Variants in PXDNL observed in about 807,000 individuals in gnomAD.
The protein encoded by PXDNL is probable oxidoreductase PXDNL.
In PXDNL, 145 loss-of-function variants were observed where a neutral mutation model predicts 150.8. That is an observed-to-expected ratio of 0.96 (90% CI 0.84 to 1.10). PXDNL has a LOEUF of 1.10. PXDNL is among the 50% of genes least tolerant of loss of function. The pLI, the probability that PXDNL is intolerant of heterozygous loss-of-function variation, is 0.00. For synonymous variants in PXDNL, 757 were observed against 725.7 expected, an observed-to-expected ratio of 1.04 and a Z score of -0.69; for missense variants, 2,087 against 1,873.9, an observed-to-expected ratio of 1.11 and a Z score of -2.10.
intron 1 of PXDNL, among the ~76,000 whole-genome samples, chr8:51,718,961 C>T (rs1470039560): frequency 1.3e-5 from 2 of 151,682 alleles, no homozygotes; most frequent in Non-Finnish European, 3.0e-5. Context: ...CAGCCCCCAC[C>T]CGGCCAGCCA....
intron 14 of PXDNL, 59 bp from the exon 15 acceptor site, chr8:51,413,317 A>G (rs1808705875): frequency 3.0e-6 from 3 of 995,458 alleles, no homozygotes; most frequent in East Asian, 2.4e-5. Flanking sequence ...TAGGCATGAT[A>G]TTATATGAAT....
chr8:51,799,216 A>G lies in PXDNL; in HGVS notation c.164+9965T>C, dbSNP rs150823764. ...ATCACATGGACACAAGGAGGAGAAA[A>G]ACACACACAGGAGCCTGTGGGGGCA... On this transcript the variant is annotated intron_variant, in intron 1 of 22. Coordinates refer to ENST00000356297, the MANE Select transcript of PXDNL (RefSeq NM_144651.5). Among the ~76,000 whole-genome samples, 4 of 152,224 alleles carry G rather than the reference A, an allele frequency of 2.6e-5. No homozygotes were observed. In the East Asian group the frequency reaches 7.8e-4, roughly 30 times the overall value.
At chr8:51,356,061 G>T (rs1488835543) in intron 19 of PXDNL, among the ~76,000 whole-genome samples, 1 of 152,188 alleles carries the variant, frequency 6.6e-6, no homozygotes, top group Non-Finnish European at 1.5e-5. Flanking sequence ...TCTATCCCTA[G>T]GTCTGCTAAT....
intron 1 of PXDNL, among the ~76,000 whole-genome samples, chr8:51,786,349 C>T (rs906706671): frequency 5.3e-5 from 8 of 152,162 alleles, no homozygotes; most frequent in Non-Finnish European, 7.4e-5. Flanking sequence ...GCTGGGACTA[C>T]AGGCGCCCGC....
intron 5 of PXDNL, among the ~76,000 whole-genome samples, chr8:51,486,769 TATATATATATATATATATATATATA>T (rs1408600319): frequency 9.5e-3 from 79 of 8,340 alleles, no homozygotes; most frequent in African/African-American, 0.017. Context: ...TATATATATA[TATATATATATATATATATATATATA>T]TTTTTTTTTT....
At position 51,728,752 on chromosome 8, in the gene PXDNL, A is replaced by T. The variant is rs551952507; in HGVS notation, c.165-73992T>A. On this transcript the variant is annotated intron_variant, in intron 1 of 22. Transcript: ENST00000356297. ...TAAAGTTTATAATGAAAAACTTTAT[A>T]GTAGGCTTAGTTTAATTATTATTGA... is the stretch of plus-strand genomic sequence containing the variant. 1.2e-4 allele frequency among the ~76,000 whole-genome samples: 19 copies of T among 152,344 alleles called. No homozygotes were observed. In the East Asian group the frequency reaches 3.7e-3, roughly 29 times the overall value.
intron 3 of PXDNL, among the ~76,000 whole-genome samples, chr8:51,557,202 T>C (rs568176512): frequency 2.6e-5 from 4 of 152,282 alleles, no homozygotes; most frequent in Non-Finnish European, 5.9e-5. Flanking sequence ...TAACAACTTC[T>C]CTAAGAAAAA....
At chr8:51,637,791 A>C (rs1430072577) in intron 2 of PXDNL, among the ~76,000 whole-genome samples, 1 of 152,256 alleles carries the variant, frequency 6.6e-6, no homozygotes, top group Non-Finnish European at 1.5e-5. Context: ...GATATTATCC[A>C]GGAGAACTTC....
intron 8 of PXDNL, among the ~76,000 whole-genome samples, chr8:51,458,889 GA>G (rs2130007701): frequency 6.6e-6 from 1 of 152,296 alleles, no homozygotes; most frequent in East Asian, 1.9e-4. Context: ...GTGAAGGCAG[GA>G]AAGATGAAGA....
intron 1 of PXDNL, among the ~76,000 whole-genome samples, chr8:51,706,192 T>C (rs1308741690): frequency 6.6e-6 from 1 of 152,108 alleles, no homozygotes; most frequent in East Asian, 1.9e-4. Flanking sequence ...GTGTCTGTAA[T>C]CCCAGTTACT....
intron 21 of PXDNL, among the ~76,000 whole-genome samples, chr8:51,325,430 C>A (rs551284721): frequency 6.6e-6 from 1 of 152,312 alleles, no homozygotes; most frequent in South Asian, 2.1e-4. Flanking sequence ...TCCGTTGACA[C>A]ACAAAGGGGT....
chr8:51,356,306 T>C (rs920193407), intron 19 of PXDNL, among the ~76,000 whole-genome samples: 3 of 152,062 alleles, frequency 2.0e-5, no homozygotes, highest in Admixed American at 6.5e-5. Flanking sequence ...CTGGCCAACA[T>C]GGTGAAACCC....
At chr8:51,683,976 T>C (rs1188350973) in intron 1 of PXDNL, among the ~76,000 whole-genome samples, 1 of 152,142 alleles carries the variant, frequency 6.6e-6, no homozygotes, top group Non-Finnish European at 1.5e-5. Context: ...AACCTCCAGA[T>C]TGAATAAAAT....
chr8:51,802,219 G>A (rs1332831932), intron 1 of PXDNL, among the ~76,000 whole-genome samples: 6 of 150,956 alleles, frequency 4.0e-5, no homozygotes, highest in Non-Finnish European at 7.4e-5. Context: ...AGTCAGAATT[G>A]CACAGTTAAT....
chr8:51,794,804 A>G (rs1352538586), intron 1 of PXDNL, among the ~76,000 whole-genome samples: 1 of 152,210 alleles, frequency 6.6e-6, no homozygotes, highest in East Asian at 1.9e-4. Flanking sequence ...AAATTCATAC[A>G]TAATAATATT....
At chr8:51,348,310 T>C (rs543854976) in intron 19 of PXDNL, among the ~76,000 whole-genome samples, 2 of 152,270 alleles carry the variant, frequency 1.3e-5, no homozygotes, top group Admixed American at 1.3e-4. Flanking sequence ...TTGTTCAAGG[T>C]CATATAAATA....
chr8:51,766,202 C>A (rs963050614), intron 1 of PXDNL, among the ~76,000 whole-genome samples: 1 of 152,256 alleles, frequency 6.6e-6, no homozygotes, highest in Non-Finnish European at 1.5e-5. Flanking sequence ...AACTCGTTTG[C>A]ATTAATACCA....
At chr8:51,737,665 T>C (rs1817065317) in intron 1 of PXDNL, among the ~76,000 whole-genome samples, 1 of 152,186 alleles carries the variant, frequency 6.6e-6, no homozygotes, top group Non-Finnish European at 1.5e-5. Flanking sequence ...GAGACAGTTC[T>C]CCATCCTGCC....
chr8:51,457,335 A>G (rs1809958597), intron 9 of PXDNL, among the ~76,000 whole-genome samples, 163 bp downstream of exon 9: 1 of 152,264 alleles, frequency 6.6e-6, no homozygotes, highest in South Asian at 2.1e-4. Context: ...GGAAATTAAA[A>G]TAAACTTCAA....
Sources: gnomAD v4.1 joint callset for allele counts (sites outside exome capture counted in the v4.1 genomes callset) on GRCh38, gnomAD v4.1.1 for gene constraint, MANE v1.5 for transcripts, NCBI Gene and HGNC (gene_info 2026-07-23, HGNC 2026-07-21) for gene names.